The following FRRS1 variants were observed in gnomAD, a reference collection of about 807,000 sequenced individuals.
The protein encoded by FRRS1 is ferric chelate reductase 1, also known as ferric reductase 1.
Under a neutral mutation model 70.7 loss-of-function variants are expected in FRRS1, and 51 were observed. The observed-to-expected ratio is 0.72, with a 90% CI of 0.58 to 0.91. FRRS1 has a LOEUF of 0.91. FRRS1 is among the 40% of genes least tolerant of loss of function. The probability of loss-of-function intolerance (pLI) is 0.00; values close to 1 mark genes in which losing one functional copy is unlikely to be tolerated. For missense variants in FRRS1, 672 were observed against 726.0 expected (o/e 0.93, Z 0.86); for synonymous variants, 225 against 238.7 (o/e 0.94, Z 0.53).
intron 1 of FRRS1, among the ~76,000 whole-genome samples, chr1:99,750,388 G>A (rs1472489882): frequency 2.6e-5 from 4 of 152,196 alleles, no homozygotes; most frequent in African/African-American, 7.2e-5. Flanking sequence ...ACAATTTGAA[G>A]AAATAGAGCA....
rs1326244742 is a variant in FRRS1 at position 99,732,362 on chromosome 1, G to A, written c.760-2614C>T. Among the ~76,000 whole-genome samples the A allele has an allele frequency of 2.0e-5, 3 of 152,240 alleles. No homozygotes were observed. In the East Asian group the frequency reaches 5.8e-4, roughly 29 times the overall value. ...AGCATTTAGAGAGCATCCTATGAGA[G>A]AACATTAAGCTGGACACTGTGGGAG... On this transcript the variant is annotated intron_variant, in intron 7 of 16. Transcript: ENST00000646001.
At chr1:99,762,494 C>G (rs1326386171) in intron 1 of FRRS1, among the ~76,000 whole-genome samples, 1 of 121,722 alleles carries the variant, frequency 8.2e-6, no homozygotes, top group Non-Finnish European at 1.8e-5. Context: ...TTTTTTTTGC[C>G]CTGTTTCTCT....
At chr1:99,733,617 A>T (rs1655504516) in intron 7 of FRRS1, among the ~76,000 whole-genome samples, 2 of 152,358 alleles carry the variant, frequency 1.3e-5, no homozygotes, top group African/African-American at 4.8e-5. Context: ...GGTGGTAATA[A>T]ACTACAACAC....
chr1:99,718,033 A>G (rs1654618910), intron 10 of FRRS1, among the ~76,000 whole-genome samples: 1 of 152,232 alleles, frequency 6.6e-6, no homozygotes, highest in South Asian at 2.1e-4. Context: ...ATTACTACCA[A>G]ACTGGAGCTA....
chr1:99,732,058 A>G (rs984816071), intron 7 of FRRS1, among the ~76,000 whole-genome samples: 3 of 152,232 alleles, frequency 2.0e-5, no homozygotes, highest in Non-Finnish European at 4.4e-5. Context: ...TTTAATACAA[A>G]TAATGGTTGA....
chr1:99,761,587 A>C (rs1431429774), intron 1 of FRRS1, among the ~76,000 whole-genome samples: 1 of 152,232 alleles, frequency 6.6e-6, no homozygotes, highest in Non-Finnish European at 1.5e-5. Flanking sequence ...CCTTCTCTAA[A>C]GACCCAAAAC....
chr1:99,726,207 G>A (rs1280812958), intron 9 of FRRS1, among the ~76,000 whole-genome samples: 1 of 152,174 alleles, frequency 6.6e-6, no homozygotes, highest in African/African-American at 2.4e-5. Flanking sequence ...CTGTCACCAT[G>A]TAAGATGTGG....
In FRRS1 at chr1:99,709,259, A is replaced by G. The variant is rs1654164253; in HGVS notation, c.1625T>C (p.Val542Ala). The change falls in exon 16 of 17, where the codon GTT becomes GCT. Residue 542 changes from valine to alanine, a missense_variant and splice_region_variant. By Grantham distance (64) the Val-to-Ala change is moderately conservative. Transcript: ENST00000646001. The part of the protein sequence containing the change: ...EVHAYRLSRK[V>A]EILDDDRIQI... ...AATTCTGTCATCATCCAATATTTCAACTGTCAAGAATAATAACATAAGTTT... is the reference window on the plus strand; with the variant it reads ...AATTCTGTCATCATCCAATATTTCAGCTGTCAAGAATAATAACATAAGTTT... 2.5e-6 allele frequency: 4 copies of G among 1,599,626 alleles called. No homozygotes were observed. Among genetic ancestry groups the G allele is most frequent in the Non-Finnish European group, 3.4e-6 (4 of 1,167,394 alleles).
chr1:99,718,303 A>G (rs146676187), intron 10 of FRRS1, among the ~76,000 whole-genome samples: 1 of 152,268 alleles, frequency 6.6e-6, no homozygotes, highest in Admixed American at 6.5e-5. Context: ...CTGTAGAACC[A>G]GAGTATATTA....
At chr1:99,747,484 T>C in intron 3 of FRRS1, 54 bp from the exon 4 acceptor site, 1 of 1,528,130 alleles carries the variant, frequency 6.5e-7, no homozygotes, top group Non-Finnish European at 8.9e-7. Context: ...CAAAAAAAAA[T>C]GTTTAGAGGT....
chr1:99,756,321 A>C (rs1656833232), intron 1 of FRRS1, among the ~76,000 whole-genome samples: 1 of 152,212 alleles, frequency 6.6e-6, no homozygotes, highest in African/African-American at 2.4e-5. Context: ...TGTAACTAAA[A>C]TATTCCCAAA....
Position 99,738,269 on chromosome 1 carries a change from C to T in FRRS1, c.577-1G>A. Reference sequence around the variant, plus strand: ...TGTTCCCACAATCTGAGGCACTGAACTAGAAAAATGACAGAGGAAAAAAAA... The same window carrying T: ...TGTTCCCACAATCTGAGGCACTGAATTAGAAAAATGACAGAGGAAAAAAAA... On this transcript the variant is annotated splice_acceptor_variant, in intron 6 of 16. Transcript: ENST00000646001. LOFTEE classifies it high-confidence loss of function. 1 of 1,573,198 alleles carries T rather than the reference C, an allele frequency of 6.4e-7. No individual in the cohort carries two copies. Among genetic ancestry groups the T allele is most frequent in the Non-Finnish European group, 8.6e-7 (1 of 1,162,024 alleles).
At chr1:99,764,397 G>C (rs75440834) in intron 1 of FRRS1, among the ~76,000 whole-genome samples, 1 of 152,056 alleles carries the variant, frequency 6.6e-6, no homozygotes, top group African/African-American at 2.4e-5. Flanking sequence ...TTTTTTTAAA[G>C]CATGTAGTGT....
intron 7 of FRRS1, among the ~76,000 whole-genome samples, chr1:99,731,214 G>A (rs141741557): frequency 0.011 from 1,727 of 152,276 alleles, 15 homozygotes; most frequent in Middle Eastern, 0.017. Flanking sequence ...CCATGGTTTG[G>A]TCTTTCACTT....
chr1:99,732,765 AAC>A (rs1489837908), intron 7 of FRRS1, among the ~76,000 whole-genome samples: 12 of 152,258 alleles, frequency 7.9e-5, no homozygotes, highest in African/African-American at 2.9e-4. Flanking sequence ...TTAAGAAAAG[AAC>A]AGTTTTTCTA....
intron 1 of FRRS1, among the ~76,000 whole-genome samples, chr1:99,757,224 T>C (rs1656880630): frequency 6.6e-6 from 1 of 152,178 alleles, no homozygotes; most frequent in South Asian, 2.1e-4. Context: ...ATGTTTCCTA[T>C]TTCTTCCTTT....
intron 15 of FRRS1, among the ~76,000 whole-genome samples, chr1:99,709,795 C>T (rs1654186104): frequency 6.6e-6 from 1 of 152,102 alleles, no homozygotes; most frequent in Non-Finnish European, 1.5e-5. Context: ...AAGTGAGACC[C>T]TGTCTCTAAA....
chr1:99,754,505 GAA>G (rs1421474860), intron 1 of FRRS1, among the ~76,000 whole-genome samples: 3 of 90,664 alleles, frequency 3.3e-5, no homozygotes, highest in Admixed American at 1.1e-4. Flanking sequence ...GAGAGAGAGA[GAA>G]AGAGAGAGAG....
chr1:99,720,466 T>C (rs1654757895), intron 9 of FRRS1, among the ~76,000 whole-genome samples: 2 of 152,182 alleles, frequency 1.3e-5, no homozygotes, highest in South Asian at 4.1e-4. Context: ...CTGTGCTGCA[T>C]CAAAAATGAG....
Sources: gnomAD v4.1 joint callset for allele counts (sites outside exome capture counted in the v4.1 genomes callset) on GRCh38, gnomAD v4.1.1 for gene constraint, MANE v1.5 for transcripts, NCBI Gene and HGNC (gene_info 2026-07-23, HGNC 2026-07-21) for gene names.